Variants in SLC18A1 observed in about 807,000 individuals in gnomAD.
SLC18A1 encodes the protein chromaffin granule amine transporter.
Under a neutral mutation model 53.7 loss-of-function variants are expected in SLC18A1, and 69 were observed. The ratio of observed to expected loss-of-function variants is 1.28; its 90% CI spans 1.06 to 1.57. The LOEUF (loss-of-function observed/expected upper bound fraction) is 1.57, where lower values mean the gene tolerates loss of function less well. Ranked by LOEUF, SLC18A1 falls within the 40% of genes most tolerant of loss-of-function variation. The pLI, the probability that SLC18A1 is intolerant of heterozygous loss-of-function variation, is 0.00. For synonymous variants in SLC18A1, 320 were observed against 248.1 expected, an observed-to-expected ratio of 1.29 and a Z score of -2.72; for missense variants, 932 against 668.1, an observed-to-expected ratio of 1.40 and a Z score of -4.35.
chr8:20,171,970 C>T (rs2072133875), intron 6 of SLC18A1, among the ~76,000 whole-genome samples: 1 of 152,140 alleles, frequency 6.6e-6, no homozygotes, highest in Admixed American at 6.5e-5. Context: ...TGAATATTTG[C>T]GAGGAGAAAA....
Position 20,178,428 on chromosome 8 carries a change from T to C in SLC18A1, c.547+7A>G, listed in dbSNP as rs759330488. The C allele has an allele frequency of 6.2e-7, 1 of 1,607,748 alleles. No individual in the cohort carries two copies. The highest frequency in any genetic ancestry group is 1.1e-5 in the South Asian group (1 of 89,810). On this transcript the variant is annotated splice_region_variant and intron_variant, in intron 4 of 15. Coordinates refer to ENST00000276373, the MANE Select transcript of SLC18A1 (RefSeq NM_003053.4). ...GAAGGGAAGAAAAGAGGAAGCAAAT[T>C]ACTTACTAACTGTGGAGAGAAACAT...
intron 8 of SLC18A1, among the ~76,000 whole-genome samples, chr8:20,170,117 G>T (rs1321068368): frequency 6.6e-6 from 1 of 152,126 alleles, no homozygotes; most frequent in African/African-American, 2.4e-5. Flanking sequence ...ATGGGTGGTG[G>T]TTATGACTTC....
rs953148488 is a variant in SLC18A1, at chr8:20,148,599, C to T, written c.1147-529G>A. The T allele has an allele frequency of 2.0e-5, 11 of 548,238 alleles. No homozygotes were observed. In the East Asian group the frequency reaches 3.4e-4, roughly 17 times the overall value. 34.0% of individuals were successfully genotyped at this position (548,238 alleles called of 1,614,324 possible). Reference sequence around the variant, plus strand: ...GGGGGCAGGTGGTGTGGCTTGGGTCCCCTGTCAGGAAGCTTGTGAGACTCA... The same window carrying T: ...GGGGGCAGGTGGTGTGGCTTGGGTCTCCTGTCAGGAAGCTTGTGAGACTCA... On this transcript the variant is annotated intron_variant, in intron 12 of 15. Transcript: ENST00000276373.
intron 5 of SLC18A1, among the ~76,000 whole-genome samples, chr8:20,174,013 T>C (rs924682656): frequency 1.3e-5 from 2 of 151,896 alleles, no homozygotes; most frequent in African/African-American, 4.8e-5. Flanking sequence ...CCTCCCACTT[T>C]AGCCTCCCAA....
rs6994511 is a variant in SLC18A1 at position 20,172,847 on chromosome 8, C to T, written c.724+189G>A. ...CAGGCTGGGCTTCCGGACCTTTCTC[C>T]GACGTTTATGTGTTTCCCAGCTTCT... On this transcript the variant is annotated intron_variant, in intron 6 of 15. Transcript: ENST00000276373. Among the ~76,000 whole-genome samples the T allele has an allele frequency of 8.7e-3, 1,324 of 152,240 alleles. 22 individuals are homozygous for T. Among genetic ancestry groups the T allele is most frequent in the African/African-American group, 0.03 (1,252 of 41,532 alleles).
Position 20,149,527 on chromosome 8 carries a change from T to C in SLC18A1, c.1146+149A>G, listed in dbSNP as rs1002989504. 1.1e-5 allele frequency: 7 copies of C among 648,018 alleles called. No homozygotes were observed. The African/African-American group carries it at 1.1e-4, about 10-fold the overall frequency. 40.1% of individuals were successfully genotyped at this position (648,018 alleles called of 1,614,324 possible). On this transcript the variant is annotated intron_variant, in intron 12 of 15. Coordinates refer to ENST00000276373, the MANE Select transcript of SLC18A1 (RefSeq NM_003053.4). ...CTTTCTGACAGTCCTTGCCAAGCCA[T>C]CTCTGCTCATCTTAAAGGAAATTAG...
At position 20,166,287 on chromosome 8, in the gene SLC18A1, G is replaced by GTGTGTATA. The variant is rs1235212014; in HGVS notation, c.859-1181_859-1180insTATACACA. Among the ~76,000 whole-genome samples, 576 of 78,870 alleles carry GTGTGTATA rather than the reference G, an allele frequency of 7.3e-3. 61 individuals are homozygous for GTGTGTATA. The highest frequency in any genetic ancestry group is 0.011 in the Non-Finnish European group (434 of 41,106). The allele number at this position is 78,870 out of a possible 152,430, so 51.7% of individuals were successfully genotyped here. On this transcript the variant is annotated intron_variant, in intron 8 of 15. Coordinates refer to ENST00000276373, the MANE Select transcript of SLC18A1 (RefSeq NM_003053.4). ...CAAAATTGTGTGTGGGTGTGTGTGTGTCTATATATATATATATATATATAT... is the reference window on the plus strand; with the variant it reads ...CAAAATTGTGTGTGGGTGTGTGTGTGTGTGTATATCTATATATATATATATATATATAT...
intron 4 of SLC18A1, 101 bp downstream of exon 4, chr8:20,178,334 G>T: frequency 1.1e-6 from 1 of 882,552 alleles, no homozygotes; most frequent in Non-Finnish European, 1.8e-6. Flanking sequence ...TTAGTCAGAT[G>T]CCTAATTACA....
chr8:20,147,736 A>G lies in SLC18A1; in HGVS notation c.1211-14T>C, dbSNP rs2071438766. On this transcript the variant is annotated splice_polypyrimidine_tract_variant and intron_variant, in intron 13 of 15. Coordinates refer to ENST00000276373, the MANE Select transcript of SLC18A1 (RefSeq NM_003053.4). ...AATCCACCATGCCTGTGGCCAGAGCAAACAGGACACAGTCAGCCCCACCCA... is the reference window on the plus strand; with the variant it reads ...AATCCACCATGCCTGTGGCCAGAGCGAACAGGACACAGTCAGCCCCACCCA... 6.2e-7 allele frequency: 1 copy of G among 1,611,558 alleles called. No individual in the cohort carries two copies. The highest frequency in any genetic ancestry group is 1.3e-5 in the African/African-American group (1 of 74,832).
In SLC18A1 at chr8:20,165,044, T is replaced by G; in HGVS notation, c.919+3A>C. The G allele has an allele frequency of 6.2e-7, 1 of 1,614,124 alleles. No individual in the cohort carries two copies. Among genetic ancestry groups the G allele is most frequent in the Non-Finnish European group, 8.5e-7 (1 of 1,179,980 alleles). The stretch of plus-strand genomic sequence containing the variant: ...GCCCAATGGGAGGTCATCGCCAGCT[T>G]ACCTGCAGCCACCAGGATGTAAGGG... On this transcript the variant is annotated splice_donor_region_variant and intron_variant, in intron 9 of 15. Transcript: ENST00000276373.
chr8:20,158,811 G>A (rs2071744907), intron 10 of SLC18A1, among the ~76,000 whole-genome samples: 1 of 152,122 alleles, frequency 6.6e-6, no homozygotes, highest in African/African-American at 2.4e-5. Context: ...GTGACTCACA[G>A]TCCTGGACCT....
At chr8:20,163,358 G>A (rs1052839061) in intron 10 of SLC18A1, among the ~76,000 whole-genome samples, 1 of 152,026 alleles carries the variant, frequency 6.6e-6, no homozygotes, top group African/African-American at 2.4e-5. Flanking sequence ...ATAAATTTTG[G>A]GGGACACATT....
chr8:20,167,605 A>T (rs1275652911), intron 8 of SLC18A1, among the ~76,000 whole-genome samples: 1 of 151,858 alleles, frequency 6.6e-6, no homozygotes, highest in Non-Finnish European at 1.5e-5. Flanking sequence ...GAGTCCCCAT[A>T]GTTTTTTGTT....
chr8:20,159,656 AAAAAAAAG>A (rs1278658464), intron 10 of SLC18A1, among the ~76,000 whole-genome samples: 2 of 149,986 alleles, frequency 1.3e-5, no homozygotes, highest in Non-Finnish European at 3.0e-5. Flanking sequence ...AAAAAAAAAA[AAAAAAAAG>A]AAAGAAAAAG....
chr8:20,179,656 G>A (rs2072368452), intron 2 of SLC18A1, among the ~76,000 whole-genome samples, 172 bp from the exon 3 acceptor site: 1 of 152,328 alleles, frequency 6.6e-6, no homozygotes, highest in African/African-American at 2.4e-5. Context: ...ACTATGATGA[G>A]GTTCAGCCTT....
intron 10 of SLC18A1, among the ~76,000 whole-genome samples, chr8:20,161,392 A>G (rs906974262): frequency 1.3e-5 from 2 of 152,226 alleles, no homozygotes; most frequent in Non-Finnish European, 2.9e-5. Context: ...AAATAATACA[A>G]AAAAGAAAAT....
chr8:20,157,350 G>A (rs1485905476), intron 10 of SLC18A1, among the ~76,000 whole-genome samples: 1 of 152,176 alleles, frequency 6.6e-6, no homozygotes, highest in Non-Finnish European at 1.5e-5. Flanking sequence ...TCTCAGTCAG[G>A]TCAATGATAG....
chr8:20,167,865 C>T (rs1382455939), intron 8 of SLC18A1, among the ~76,000 whole-genome samples: 2 of 151,888 alleles, frequency 1.3e-5, no homozygotes, highest in Non-Finnish European at 2.9e-5. Flanking sequence ...TCATGATCCG[C>T]CTGCCTCGGC....
At chr8:20,148,286 C>T in intron 12 of SLC18A1, 1 of 601,630 alleles carries the variant, frequency 1.7e-6, no homozygotes, top group Non-Finnish European at 2.8e-6. Flanking sequence ...ATTTATTGCT[C>T]TATCCAGAGT....
Sources: gnomAD v4.1 joint callset for allele counts (sites outside exome capture counted in the v4.1 genomes callset) on GRCh38, gnomAD v4.1.1 for gene constraint, MANE v1.5 for transcripts, NCBI Gene and HGNC (gene_info 2026-07-23, HGNC 2026-07-21) for gene names.